Variants in ARL1 observed in about 807,000 individuals in gnomAD.
ARL1 encodes ADP-ribosylation factor-like protein 1.
ARL1 carries 17 observed loss-of-function variants against 30.1 expected under a neutral mutation model. That is an observed-to-expected ratio of 0.56 (90% CI 0.39 to 0.85). The LOEUF (loss-of-function observed/expected upper bound fraction) is 0.85, where lower values mean the gene tolerates loss of function less well. Ranked by LOEUF, ARL1 falls within the 40% of genes least tolerant of loss-of-function variation. ARL1 has a pLI of 0.00. For missense variants in ARL1, 102 were observed against 212.6 expected, an observed-to-expected ratio of 0.48 and a Z score of 3.24; for synonymous variants, 58 against 71.7, an observed-to-expected ratio of 0.81 and a Z score of 0.97.
Position 101,407,730 on chromosome 12 carries a change from A to G in ARL1, c.-85T>C, listed in dbSNP as rs1294135209. 4 of 1,594,810 alleles carry G rather than the reference A, an allele frequency of 2.5e-6. No homozygotes were observed. The highest frequency in any genetic ancestry group is 3.4e-6 in the Non-Finnish European group (4 of 1,168,048). ...TCCGAGGCGGTTTCCTCGCAAGCCC[A>G]GTCAGCCAGCAACTTCCACGTCGGA... On this transcript the variant is annotated 5_prime_UTR_variant, in exon 1 of 6. Coordinates refer to ENST00000261636, the MANE Select transcript of ARL1 (RefSeq NM_001177.6).
chr12:101,398,065 TTTAA>T (rs1285953026), intron 4 of ARL1, among the ~76,000 whole-genome samples: 1 of 152,104 alleles, frequency 6.6e-6, no homozygotes, highest in Non-Finnish European at 1.5e-5. Flanking sequence ...ATTTTTTACA[TTTAA>T]TTATTTACCC....
chr12:101,399,392 G>A (rs993863274), intron 4 of ARL1, among the ~76,000 whole-genome samples: 5 of 151,654 alleles, frequency 3.3e-5, no homozygotes, highest in Non-Finnish European at 5.9e-5. Context: ...GAAGCCTATA[G>A]TCCCAGCTAC....
chr12:101,398,717 CG>C (rs1282698087), intron 4 of ARL1, among the ~76,000 whole-genome samples: 2 of 152,080 alleles, frequency 1.3e-5, no homozygotes, highest in African/African-American at 4.8e-5. Flanking sequence ...GGATTACAGG[CG>C]TGAGCCACCA....
rs1482235542 is a variant in ARL1, at chr12:101,402,920, T to A, written c.169A>T (p.Thr57Ser). ...ACTTGGAATTTAAGGTTTTTGTACGTCACCGTCTCTACATTAAATCCAATG... is the reference window on the plus strand; with the variant it reads ...ACTTGGAATTTAAGGTTTTTGTACGACACCGTCTCTACATTAAATCCAATG... ...PTIGFNVETV[T>S]YKNLKFQVWD... The change falls in exon 3 of 6, where the codon ACG becomes TCG. Residue 57 changes from threonine to serine, a missense_variant. By Grantham distance (58) the Thr-to-Ser change is moderately conservative (BLOSUM62 1). Transcript: ENST00000261636. The A allele has an allele frequency of 5.0e-6, 8 of 1,613,044 alleles. No homozygotes were observed. Among genetic ancestry groups the A allele is most frequent in the Non-Finnish European group, 5.9e-6 (7 of 1,179,282 alleles).
chr12:101,399,749 GATT>G (rs1379215270), intron 4 of ARL1, among the ~76,000 whole-genome samples: 1 of 151,674 alleles, frequency 6.6e-6, no homozygotes, highest in African/African-American at 2.4e-5. Flanking sequence ...TTTAAAAATG[GATT>G]ATTTAATGCA....
At chr12:101,396,838 TAC>T (rs1871167079) in intron 4 of ARL1, among the ~76,000 whole-genome samples, 1 of 152,166 alleles carries the variant, frequency 6.6e-6, no homozygotes, top group Non-Finnish European at 1.5e-5. Flanking sequence ...ATTTAGTAAA[TAC>T]ATTTACACAT....
intron 3 of ARL1, chr12:101,401,633 T>A (rs1565815657): frequency 1.2e-5 from 1 of 86,614 alleles, no homozygotes; most frequent in East Asian, 5.3e-4. Flanking sequence ...TGAAACTCTG[T>A]CTCAAAAAAA....
In ARL1 at chr12:101,394,703, TTATAG is replaced by T. The variant is rs1447043357; in HGVS notation, c.*932_*936del. 6.6e-5 allele frequency: 10 copies of T among 152,300 alleles called. No homozygotes were observed. In the East Asian group the frequency reaches 1.7e-3, roughly 26 times the overall value. The allele number at this position is 152,300 out of a possible 1,614,324, so 9.4% of individuals were successfully genotyped here. ...ATCAAATATAACCATTTAGGATTAT[TTATAG>T]TATGTCACTGATCACTTCTACTAGT... On this transcript the variant is annotated 3_prime_UTR_variant, in exon 6 of 6. Coordinates refer to ENST00000261636, the MANE Select transcript of ARL1 (RefSeq NM_001177.6).
At chr12:101,399,561 C>T (rs1380733010) in intron 4 of ARL1, among the ~76,000 whole-genome samples, 1 of 150,674 alleles carries the variant, frequency 6.6e-6, no homozygotes, top group East Asian at 1.9e-4. Context: ...TACATAGTCC[C>T]CTCGTCTGAG....
chr12:101,402,195 T>C (rs945990556), intron 3 of ARL1, among the ~76,000 whole-genome samples: 17 of 152,176 alleles, frequency 1.1e-4, no homozygotes, highest in Admixed American at 5.9e-4. Flanking sequence ...TTCATTTATT[T>C]TTTTTGAGAC....
chr12:101,407,549 G>T, intron 1 of ARL1, 93 bp downstream of exon 1: 1 of 1,557,500 alleles, frequency 6.4e-7, no homozygotes, highest in South Asian at 1.1e-5. Context: ...GGCTACTCTA[G>T]GGTATCCTGG....
At chr12:101,399,407 A>T (rs1423187653) in intron 4 of ARL1, among the ~76,000 whole-genome samples, 2 of 151,272 alleles carry the variant, frequency 1.3e-5, no homozygotes, top group East Asian at 3.9e-4. Context: ...AGCTACTCAG[A>T]AGGCTGAAAC....
Position 101,395,564 on chromosome 12 carries a change from T to C in ARL1, c.*76A>G, listed in dbSNP as rs764391253. 9 of 1,174,978 alleles carry C rather than the reference T, an allele frequency of 7.7e-6. No individual in the cohort carries two copies. Among genetic ancestry groups the C allele is most frequent in the African/African-American group, 1.5e-5 (1 of 65,512 alleles). The allele number at this position is 1,174,978 out of a possible 1,614,324, so 72.8% of individuals were successfully genotyped here. On this transcript the variant is annotated 3_prime_UTR_variant, in exon 6 of 6. Transcript: ENST00000261636. ...ATCATATAGTTTTAACATCTAGTAG[T>C]GTGAAGTACACTTGACTGTTTCCAA... is the stretch of plus-strand genomic sequence containing the variant.
intron 4 of ARL1, 140 bp downstream of exon 4, chr12:101,400,922 T>C: frequency 1.6e-6 from 1 of 642,982 alleles, no homozygotes; most frequent in East Asian, 2.8e-5. Context: ...ACTGTATTTT[T>C]GGAATAGAAA....
In ARL1 at chr12:101,395,515, GCAGT is replaced by G. The variant is rs1346795851; in HGVS notation, c.*121_*124del. On this transcript the variant is annotated 3_prime_UTR_variant, in exon 6 of 6. Coordinates refer to ENST00000261636, the MANE Select transcript of ARL1 (RefSeq NM_001177.6). ...ATTTTCCCTATTTACTACAAATATT[GCAGT>G]CAGTCAGTATATGCCAATAATCATA... 1.5e-5 allele frequency: 10 copies of G among 670,968 alleles called. No homozygotes were observed. The highest frequency in any genetic ancestry group is 2.2e-5 in the Non-Finnish European group (9 of 403,012). 41.6% of individuals were successfully genotyped at this position (670,968 alleles called of 1,614,324 possible).
chr12:101,397,732 G>A (rs1035016337), intron 4 of ARL1, among the ~76,000 whole-genome samples: 5 of 151,956 alleles, frequency 3.3e-5, no homozygotes, highest in Admixed American at 6.6e-5. Context: ...TCGAACTCCT[G>A]ACCTCATGAT....
intron 4 of ARL1, among the ~76,000 whole-genome samples, chr12:101,398,599 G>A (rs190047015): frequency 1.8e-4 from 27 of 151,802 alleles, no homozygotes; most frequent in Non-Finnish European, 2.5e-4. Context: ...ACAGGCGTGC[G>A]CTACTACACC....
rs1020650040 is a variant in ARL1 at position 101,393,342 on chromosome 12, C to A, written c.*2298G>T. The A allele has an allele frequency of 6.6e-6, 1 of 151,826 alleles. No homozygotes were observed. Among genetic ancestry groups the A allele is most frequent in the Non-Finnish European group, 1.5e-5 (1 of 67,984 alleles). The allele number at this position is 151,826 out of a possible 1,614,324, so 9.4% of individuals were successfully genotyped here. On this transcript the variant is annotated 3_prime_UTR_variant, in exon 6 of 6. Coordinates refer to ENST00000261636, the MANE Select transcript of ARL1 (RefSeq NM_001177.6). ...TTTTTTTTTAATGCAAGACACAACA[C>A]AATCATAGGCCAGAGTTATAAAATA...
chr12:101,396,344 C>A lies in ARL1; in HGVS notation c.515+55G>T, dbSNP rs747572309. Reference sequence around the variant, plus strand: ...GGGAGAAAAATTACACGTGGACGTGCATAGCTGCAAGCACACACAAATGCA... The same window carrying A: ...GGGAGAAAAATTACACGTGGACGTGAATAGCTGCAAGCACACACAAATGCA... On this transcript the variant is annotated intron_variant, in intron 5 of 5. Coordinates refer to ENST00000261636, the MANE Select transcript of ARL1 (RefSeq NM_001177.6). 1.0e-4 allele frequency: 161 copies of A among 1,602,650 alleles called. 1 individual carries two copies. The highest frequency in any genetic ancestry group is 6.5e-4 in the Admixed American group (39 of 59,984).
Sources: allele counts gnomAD v4.1 joint callset (sites outside exome capture counted in the v4.1 genomes callset), GRCh38; gene constraint gnomAD v4.1.1; transcripts MANE v1.5; gene names NCBI Gene and HGNC (gene_info 2026-07-23, HGNC 2026-07-21).